The following ATP2B1 variants were observed in gnomAD, a reference collection of about 807,000 sequenced individuals.
ATP2B1 encodes the protein ATPase plasma membrane Ca2+ transporting 1, also known as plasma membrane calcium-transporting ATPase 1.
In ATP2B1, 14 loss-of-function variants were observed where a neutral mutation model predicts 124.2. The ratio of observed to expected loss-of-function variants is 0.11; its 90% confidence interval spans 0.07 to 0.18. ATP2B1 has a LOEUF of 0.18. Among genes scored for constraint, ATP2B1 ranks in the 10% least tolerant of loss-of-function variants. The pLI is 1.00. For synonymous variants in ATP2B1, 449 were observed against 492.4 expected (o/e 0.91, Z 1.17); for missense variants, 763 against 1,466.1 (o/e 0.52, Z 7.83).
At chr12:89,631,269 T>C (rs1037726929) in intron 5 of ATP2B1, among the ~76,000 whole-genome samples, 5 of 152,190 alleles carry the variant, frequency 3.3e-5, no homozygotes, top group African/African-American at 1.2e-4. Context: ...TATAAACCTA[T>C]AAATGTAAAG....
intron 1 of ATP2B1, among the ~76,000 whole-genome samples, chr12:89,669,753 ACT>A (rs1311782860): frequency 6.6e-6 from 1 of 152,074 alleles, no homozygotes; most frequent in Non-Finnish European, 1.5e-5. Flanking sequence ...TCTCTAATAA[ACT>A]CTCCTATTTT....
chr12:89,612,988 CT>C (rs548521922), intron 12 of ATP2B1, among the ~76,000 whole-genome samples: 9 of 148,572 alleles, frequency 6.1e-5, no homozygotes, highest in South Asian at 2.1e-4. Flanking sequence ...AGACAAGGTA[CT>C]TTTTTTTTTA....
chr12:89,605,338 A>C (rs1876620735), intron 15 of ATP2B1, among the ~76,000 whole-genome samples: 1 of 152,198 alleles, frequency 6.6e-6, no homozygotes, highest in Non-Finnish European at 1.5e-5. Flanking sequence ...ATGGAAACTC[A>C]GAGGTGATAT....
At chr12:89,692,206 T>C (rs1890630521) in intron 1 of ATP2B1, among the ~76,000 whole-genome samples, 1 of 152,072 alleles carries the variant, frequency 6.6e-6, no homozygotes, top group Non-Finnish European at 1.5e-5. Context: ...GCTACCATGA[T>C]GTTATTCTTA....
At chr12:89,634,192 C>T (rs1275858270) in intron 5 of ATP2B1, among the ~76,000 whole-genome samples, 1 of 152,100 alleles carries the variant, frequency 6.6e-6, no homozygotes, top group Non-Finnish European at 1.5e-5. Flanking sequence ...CATATCTTAA[C>T]CATTTGCAAA....
intron 18 of ATP2B1, 69 bp downstream of exon 18, chr12:89,602,974 G>T: frequency 7.3e-7 from 1 of 1,376,388 alleles, no homozygotes; most frequent in East Asian, 2.3e-5. Context: ...GTGATTGCTA[G>T]AACAAGCTGT....
chr12:89,626,687 T>C, intron 7 of ATP2B1, 72 bp from the exon 8 acceptor site: 1 of 1,480,644 alleles, frequency 6.8e-7, no homozygotes, highest in Non-Finnish European at 8.9e-7. Flanking sequence ...TTAAAGAAAT[T>C]TTAAAAATCA....
At chr12:89,645,994 AG>A (rs1884393748) in intron 2 of ATP2B1, among the ~76,000 whole-genome samples, 1 of 152,200 alleles carries the variant, frequency 6.6e-6, no homozygotes, top group Non-Finnish European at 1.5e-5. Context: ...TGGAGGCAGA[AG>A]GGGATAAGTG....
intron 12 of ATP2B1, 57 bp downstream of exon 12, chr12:89,616,745 C>G: frequency 1.3e-6 from 2 of 1,516,580 alleles, no homozygotes; most frequent in Admixed American, 3.4e-5. Flanking sequence ...CAATTAAGGC[C>G]TAGGTCCTCT....
intron 1 of ATP2B1, among the ~76,000 whole-genome samples, chr12:89,672,345 AC>A (rs1449291733): frequency 6.6e-6 from 1 of 151,986 alleles, no homozygotes; most frequent in Admixed American, 6.6e-5. Flanking sequence ...TCCCAGCTAT[AC>A]AAGAGGCTGA....
chr12:89,694,949 C>T (rs1284464343), intron 1 of ATP2B1, among the ~76,000 whole-genome samples: 2 of 150,632 alleles, frequency 1.3e-5, no homozygotes, highest in East Asian at 2.0e-4. Context: ...CCCAGCTACC[C>T]GGGAGGCTAA....
chr12:89,692,084 G>T (rs149168565), intron 1 of ATP2B1, among the ~76,000 whole-genome samples: 200 of 152,130 alleles, frequency 1.3e-3, no homozygotes, highest in African/African-American at 4.7e-3. Flanking sequence ...GGATTAACCA[G>T]TAGGAAATTC....
chr12:89,619,879 A>C (rs1219656545), intron 11 of ATP2B1, 120 bp downstream of exon 11: 1 of 1,299,124 alleles, frequency 7.7e-7, no homozygotes, highest in African/African-American at 1.5e-5. Flanking sequence ...ATGCTAAAAA[A>C]CTCTGAGGTC....
At chr12:89,664,390 T>C (rs1887050851) in intron 1 of ATP2B1, among the ~76,000 whole-genome samples, 1 of 152,198 alleles carries the variant, frequency 6.6e-6, no homozygotes, top group Non-Finnish European at 1.5e-5. Flanking sequence ...AACACAGGTA[T>C]CTTGAACTAT....
intron 1 of ATP2B1, among the ~76,000 whole-genome samples, chr12:89,668,231 C>T (rs1887541488): frequency 6.6e-6 from 1 of 152,192 alleles, no homozygotes. Context: ...ACAACTTAAG[C>T]TTCCTGAGGG....
At chr12:89,617,670 T>TC in intron 11 of ATP2B1, among the ~76,000 whole-genome samples, 1 of 152,252 alleles carries the variant, frequency 6.6e-6, no homozygotes, top group South Asian at 2.1e-4. Context: ...TATACTCCTC[T>TC]CCCTTGATGA....
chr12:89,658,985 G>A (rs1001959240), intron 1 of ATP2B1, among the ~76,000 whole-genome samples: 1 of 152,074 alleles, frequency 6.6e-6, no homozygotes, highest in African/African-American at 2.4e-5. Flanking sequence ...ATCACCCATA[G>A]CTCCTTTTAC....
rs181112736 is a variant in ATP2B1, at chr12:89,590,530, T to C, written c.*454A>G. 6.8e-4 allele frequency: 105 copies of C among 154,170 alleles called. No homozygotes were observed. Among genetic ancestry groups the C allele is most frequent in the Non-Finnish European group, 7.5e-4 (52 of 68,984 alleles). The allele number at this position is 154,170 out of a possible 1,614,324, so 9.6% of individuals were successfully genotyped here. On this transcript the variant is annotated 3_prime_UTR_variant, in exon 21 of 21. Coordinates refer to ENST00000428670, the MANE Select transcript of ATP2B1 (RefSeq NM_001366521.1). ...GGAACAAAAAAAGTATCTACAAACC[T>C]TGTAAACAGATCTGTATCATTTATA...
chr12:89,634,800 A>G lies in ATP2B1; in HGVS notation c.765T>C (p.Asp255=), dbSNP rs1882432507. Residue 255 remains aspartate (D), a synonymous_variant, in exon 5 of 21, where the codon GAT becomes GAC. Transcript: ENST00000428670. ...GESDHVKKSL[D]KDPLLLSGTH... Reference sequence around the variant, plus strand: ...TACCTGATAGAAGTAAGGGATCCTTATCTAAAGACTTTTTAACATGATCTG... The same window carrying G: ...TACCTGATAGAAGTAAGGGATCCTTGTCTAAAGACTTTTTAACATGATCTG... 4.4e-6 allele frequency: 7 copies of G among 1,600,794 alleles called. No homozygotes were observed. Among genetic ancestry groups the G allele is most frequent in the Non-Finnish European group, 6.0e-6 (7 of 1,175,528 alleles).
Sources: gnomAD v4.1 joint callset for allele counts (sites outside exome capture counted in the v4.1 genomes callset) on GRCh38, gnomAD v4.1.1 for gene constraint, MANE v1.5 for transcripts, NCBI Gene and HGNC (gene_info 2026-07-23, HGNC 2026-07-21) for gene names.